The following MACROH2A1 variants were observed in gnomAD, a reference collection of about 807,000 sequenced individuals.
MACROH2A1 encodes macroH2A.1 histone.
In MACROH2A1, 2 loss-of-function variants were observed where a neutral mutation model predicts 31.6. The observed-to-expected ratio is 0.06, with a 90% CI of 0.03 to 0.20. MACROH2A1 has a LOEUF of 0.20. Among genes scored for constraint, MACROH2A1 ranks in the 10% least tolerant of loss-of-function variants. The probability of loss-of-function intolerance (pLI) is 1.00; values close to 1 mark genes in which losing one functional copy is unlikely to be tolerated. For missense variants in MACROH2A1, 230 were observed against 474.0 expected (o/e 0.49, Z 4.78); for synonymous variants, 169 against 189.6 (o/e 0.89, Z 0.89).
At chr5:135,363,635 A>T (rs1581232636) in intron 4 of MACROH2A1, among the ~76,000 whole-genome samples, 1 of 152,238 alleles carries the variant, frequency 6.6e-6, no homozygotes, top group Non-Finnish European at 1.5e-5. Flanking sequence ...TGCAATAAAC[A>T]TATGTGTGCA....
chr5:135,335,695 G>A (rs1309911872), intron 8 of MACROH2A1, among the ~76,000 whole-genome samples: 2 of 152,168 alleles, frequency 1.3e-5, no homozygotes, highest in Non-Finnish European at 2.9e-5. Context: ...CTTCAACTCT[G>A]GGCTATCATC....
chr5:135,373,400 A>C (rs139676439), intron 2 of MACROH2A1, among the ~76,000 whole-genome samples: 1 of 152,290 alleles, frequency 6.6e-6, no homozygotes, highest in Non-Finnish European at 1.5e-5. Flanking sequence ...TCGGGTTGAG[A>C]AACCTGAAAA....
chr5:135,381,418 T>G (rs1765635789), intron 2 of MACROH2A1, among the ~76,000 whole-genome samples: 1 of 152,052 alleles, frequency 6.6e-6, no homozygotes, highest in African/African-American at 2.4e-5. Flanking sequence ...TATATTTAAA[T>G]AAAACTTAAA....
chr5:135,384,469 T>C (rs2149932381), intron 2 of MACROH2A1, among the ~76,000 whole-genome samples: 1 of 152,330 alleles, frequency 6.6e-6, no homozygotes, highest in Admixed American at 6.5e-5. Context: ...GTCTGTAAAG[T>C]GGATAAAGAT....
Position 135,360,792 on chromosome 5 carries a change from G to C in MACROH2A1, c.478-185C>G, listed in dbSNP as rs1297572033. ...GAGGTACAAGAGTTCTGTGGAGTGT[G>C]TTAAGTTATATGTTAATCACTTTAT... is the stretch of plus-strand genomic sequence containing the variant. On this transcript the variant is annotated intron_variant, in intron 4 of 8. Transcript: ENST00000511689. 3 of 696,180 alleles carry C rather than the reference G, an allele frequency of 4.3e-6. No individual in the cohort carries two copies. The Admixed American group carries it at 6.0e-5, about 14-fold the overall frequency. 43.1% of individuals were successfully genotyped at this position (696,180 alleles called of 1,614,324 possible).
chr5:135,340,111 G>C (rs1451626623), intron 8 of MACROH2A1, among the ~76,000 whole-genome samples: 1 of 152,144 alleles, frequency 6.6e-6, no homozygotes, highest in Non-Finnish European at 1.5e-5. Flanking sequence ...GGGACCTGGG[G>C]TCTGGCTGAC....
At chr5:135,387,624 C>A (rs1248807470) in intron 2 of MACROH2A1, among the ~76,000 whole-genome samples, 3 of 152,164 alleles carry the variant, frequency 2.0e-5, no homozygotes. Flanking sequence ...AGCATTACGA[C>A]AGGACAGCAG....
chr5:135,340,701 G>A (rs1324517100), intron 8 of MACROH2A1, among the ~76,000 whole-genome samples: 1 of 152,212 alleles, frequency 6.6e-6, no homozygotes, highest in Non-Finnish European at 1.5e-5. Flanking sequence ...CCTTTATACT[G>A]TTTTAATTCC....
intron 5 of MACROH2A1, chr5:135,359,926 T>C (rs1762619395): frequency 8.1e-6 from 8 of 984,406 alleles, no homozygotes; most frequent in Non-Finnish European, 9.6e-6. Context: ...CCTGGCAAAG[T>C]TGCATCACTG....
intron 2 of MACROH2A1, among the ~76,000 whole-genome samples, chr5:135,387,520 G>A (rs568484552): frequency 2.0e-5 from 3 of 152,124 alleles, no homozygotes; most frequent in Non-Finnish European, 4.4e-5. Context: ...TTACTGAGTC[G>A]TCCTTTCTGG....
rs1768350157 is a variant in MACROH2A1 at position 135,398,516 on chromosome 5, C to T, written c.-34+546G>A. Among the ~76,000 whole-genome samples, 2 of 152,246 alleles carry T rather than the reference C, an allele frequency of 1.3e-5. No individual in the cohort carries two copies. The highest frequency in any genetic ancestry group is 4.8e-5 in the African/African-American group (2 of 41,480). On this transcript the variant is annotated intron_variant, in intron 1 of 8. Transcript: ENST00000511689. The surrounding 1 kb of genome is among the most constrained non-coding windows in gnomAD (Gnocchi z 4.6). Reference sequence around the variant, plus strand: ...GCCCGGCTTCAATCCCGCGAGTAGCCCCCGCCTTCCCCTCCCTGCAGATAG... The same window carrying T: ...GCCCGGCTTCAATCCCGCGAGTAGCTCCCGCCTTCCCCTCCCTGCAGATAG...
At position 135,390,955 on chromosome 5, in the gene MACROH2A1, G is replaced by C. The variant is rs145021309; in HGVS notation, c.-33-1829C>G. Reference sequence around the variant, plus strand: ...CTGGCTCTGGAGTGATGTTAGAAGAGTAAAGGCCTCTGTCATGAGCGCCCT... The same window carrying C: ...CTGGCTCTGGAGTGATGTTAGAAGACTAAAGGCCTCTGTCATGAGCGCCCT... On this transcript the variant is annotated intron_variant, in intron 1 of 8. Coordinates refer to ENST00000511689, the MANE Select transcript of MACROH2A1 (RefSeq NM_138610.3). Among the ~76,000 whole-genome samples, 135 of 152,310 alleles carry C rather than the reference G, an allele frequency of 8.9e-4. 2 individuals are homozygous for C. The East Asian group carries it at 0.026, about 29-fold the overall frequency.
chr5:135,352,695 T>C (rs1307915879), intron 6 of MACROH2A1, among the ~76,000 whole-genome samples: 4 of 152,250 alleles, frequency 2.6e-5, no homozygotes, highest in East Asian at 1.9e-4. Flanking sequence ...TTGATCATTA[T>C]GGAAGAGAAT....
chr5:135,383,903 A>T (rs1219122224), intron 2 of MACROH2A1, among the ~76,000 whole-genome samples: 1 of 152,200 alleles, frequency 6.6e-6, no homozygotes, highest in Non-Finnish European at 1.5e-5. Context: ...AGGTGCACTC[A>T]TGCAAACAAG....
rs1030853506 is a variant in MACROH2A1 at position 135,352,842 on chromosome 5, T to A, written c.688+104A>T. 30 of 720,970 alleles carry A rather than the reference T, an allele frequency of 4.2e-5. No individual in the cohort carries two copies. In the East Asian group the frequency reaches 7.7e-4, roughly 18 times the overall value. The allele number at this position is 720,970 out of a possible 1,614,324, so 44.7% of individuals were successfully genotyped here. ...CAAATATCAATCTTGGATTTGGAAA[T>A]TTGGCTTGACCACTGTAAAGTCTGG... On this transcript the variant is annotated intron_variant, in intron 6 of 8. Coordinates refer to ENST00000511689, the MANE Select transcript of MACROH2A1 (RefSeq NM_138610.3).
chr5:135,340,460 C>CTCTGGAGAG, intron 8 of MACROH2A1, among the ~76,000 whole-genome samples: 1 of 152,290 alleles, frequency 6.6e-6, no homozygotes, highest in South Asian at 2.1e-4. Context: ...TGTACTACCC[C>CTCTGGAGAG]TCTGGAGAGG....
At chr5:135,360,995 A>T in intron 4 of MACROH2A1, 1 of 346,448 alleles carries the variant, frequency 2.9e-6, no homozygotes, top group East Asian at 8.0e-5. Flanking sequence ...AAACTGTTCT[A>T]GGTCACTAAT....
intron 5 of MACROH2A1, chr5:135,356,820 GA>G (rs1193703867): frequency 6.6e-6 from 1 of 152,144 alleles, no homozygotes; most frequent in East Asian, 1.9e-4. Flanking sequence ...AATATGATTA[GA>G]AACCCAATTT....
At position 135,398,329 on chromosome 5, in the gene MACROH2A1, G is replaced by C. The variant is rs1768309053; in HGVS notation, c.-34+733C>G. Among the ~76,000 whole-genome samples, 1 of 151,912 alleles carries C rather than the reference G, an allele frequency of 6.6e-6. No individual in the cohort carries two copies. The highest frequency in any genetic ancestry group is 2.1e-4 in the South Asian group (1 of 4,804). On this transcript the variant is annotated intron_variant, in intron 1 of 8. Transcript: ENST00000511689. This position sits in a 1 kb window ranked among gnomAD's most constrained non-coding sequence, Gnocchi z 4.6. ...TTTCCTGCTGGCCTTCTCCACCCGG[G>C]GAAGCCTACAGCCTTCCGGAGTTAC...
Sources: gnomAD v4.1 joint callset for allele counts (sites outside exome capture counted in the v4.1 genomes callset) on GRCh38, gnomAD v4.1.1 for gene constraint, Gnocchi (gnomAD v3.1) non-coding constraint, MANE v1.5 for transcripts, NCBI Gene and HGNC (gene_info 2026-07-23, HGNC 2026-07-21) for gene names.